The following DDX17 variants were observed in gnomAD, a reference collection of about 807,000 sequenced individuals.
DDX17 encodes probable ATP-dependent RNA helicase DDX17.
Under a neutral mutation model 80.8 loss-of-function variants are expected in DDX17, and 10 were observed. The ratio of observed to expected loss-of-function variants is 0.12; its 90% CI spans 0.08 to 0.21. The LOEUF is 0.21. DDX17 is among the 10% of genes least tolerant of loss of function. The probability of loss-of-function intolerance (pLI) is 1.00; values close to 1 mark genes in which losing one functional copy is unlikely to be tolerated. For synonymous variants in DDX17, 339 were observed against 336.2 expected (o/e 1.01, Z -0.09); for missense variants, 586 against 957.4 (o/e 0.61, Z 5.12).
At chr22:38,492,497 T>C (rs2089723242) in intron 10 of DDX17, among the ~76,000 whole-genome samples, 1 of 152,150 alleles carries the variant, frequency 6.6e-6, no homozygotes, top group African/African-American at 2.4e-5. Context: ...TTTTCTTTCT[T>C]TTTTTTGAGA....
chr22:38,488,225 A>C (rs1555924859), intron 11 of DDX17, 110 bp from the exon 12 acceptor site: 3 of 1,594,442 alleles, frequency 1.9e-6, no homozygotes, highest in Non-Finnish European at 2.6e-6. Flanking sequence ...CAGCAAGAGG[A>C]AAGAAGGTGA....
rs1402166370 is a variant in DDX17 at position 38,491,254 on chromosome 22, A to G, written c.1447+802T>C. ...TCTTTATATTATATAGTATAAGGGA[A>G]TAATATGGTACTTCTCACCTTACTG... is the stretch of plus-strand genomic sequence containing the variant. On this transcript the variant is annotated intron_variant, in intron 11 of 12. Transcript: ENST00000403230. 2.0e-5 allele frequency: 3 copies of G among 152,364 alleles called. No individual in the cohort carries two copies. In the East Asian group the frequency reaches 5.8e-4, roughly 29 times the overall value. 9.4% of individuals were successfully genotyped at this position (152,364 alleles called of 1,614,324 possible).
rs2089651338 is a variant in DDX17 at position 38,485,834 on chromosome 22, A to G, written c.*101T>C. 6 of 1,415,220 alleles carry G rather than the reference A, an allele frequency of 4.2e-6. No individual in the cohort carries two copies. Among genetic ancestry groups the G allele is most frequent in the Non-Finnish European group, 5.5e-6 (6 of 1,086,130 alleles). 87.7% of individuals were successfully genotyped at this position (1,415,220 alleles called of 1,614,324 possible). On this transcript the variant is annotated 3_prime_UTR_variant, in exon 13 of 13. Coordinates refer to ENST00000403230, the MANE Select transcript of DDX17 (RefSeq NM_006386.5). ...GGAAAAATTAAAAAAAAAAAAAGAA[A>G]AAAGGAAAAAAAAAGAAAAGGCGAA...
rs1263969677 is a variant in DDX17, at chr22:38,506,074, G to C, written c.164C>G (p.Thr55Ser). ...CGGGAGGGCCTGCGGCTCCGGTCTGGTGACGACCGATGGCGGCGGCGCCTC... is the reference window on the plus strand; with the variant it reads ...CGGGAGGGCCTGCGGCTCCGGTCTGCTGACGACCGATGGCGGCGGCGCCTC... The change falls in exon 1 of 13, where the codon ACC becomes AGC. Residue 55 changes from threonine to serine, a missense_variant. By Grantham distance (58) the Thr-to-Ser change is moderately conservative. Around this residue, in one of 4 missense-constraint regions of DDX17, gnomAD observed 215 missense variants for 238.4 expected, o/e 0.90. Transcript: ENST00000403230. 1 of 1,582,678 alleles carries C rather than the reference G, an allele frequency of 6.3e-7. No individual in the cohort carries two copies. Among genetic ancestry groups the C allele is most frequent in the Non-Finnish European group, 8.6e-7 (1 of 1,165,036 alleles).
intron 8 of DDX17, chr22:38,494,391 T>C (rs1282290873): frequency 8.3e-6 from 5 of 603,026 alleles, no homozygotes; most frequent in African/African-American, 5.6e-5. Context: ...AGACACAAAA[T>C]TGTGCAAAAT....
intron 11 of DDX17, 190 bp from the exon 12 acceptor site, chr22:38,488,305 C>G: frequency 6.7e-7 from 1 of 1,482,706 alleles, no homozygotes; most frequent in Non-Finnish European, 8.9e-7. Flanking sequence ...ATTACTGATT[C>G]CTGGGACATG....
rs534776956 is a variant in DDX17 at position 38,483,976 on chromosome 22, A to G, written c.*1959T>C. On this transcript the variant is annotated 3_prime_UTR_variant, in exon 13 of 13. Coordinates refer to ENST00000403230, the MANE Select transcript of DDX17 (RefSeq NM_006386.5). ...AAAAAGGGAAGCAAGCAATCCAAAT[A>G]ACCACTTGCTTGCCCAGAGACCTTT... 9 of 152,656 alleles carry G rather than the reference A, an allele frequency of 5.9e-5. No individual in the cohort carries two copies. The highest frequency in any genetic ancestry group is 5.2e-4 in the Admixed American group (8 of 15,306). The allele number at this position is 152,656 out of a possible 1,614,324, so 9.5% of individuals were successfully genotyped here. A position where few individuals can be genotyped will look rare whatever the true frequency, so the allele number is the denominator to read the frequency against.
intron 6 of DDX17, among the ~76,000 whole-genome samples, 162 bp downstream of exon 6, chr22:38,495,634 G>GA (rs1025067004): frequency 2.0e-5 from 3 of 152,172 alleles, no homozygotes; most frequent in Non-Finnish European, 2.9e-5. Flanking sequence ...CAGCCATGCT[G>GA]AACCTTCTCT....
chr22:38,490,268 G>A, intron 11 of DDX17: 1 of 1,254,910 alleles, frequency 8.0e-7, no homozygotes, highest in African/African-American at 1.6e-5. Context: ...TTGGCCAGCT[G>A]ACTGGGATAA....
intron 6 of DDX17, 44 bp from the exon 7 acceptor site, chr22:38,495,090 T>G: frequency 6.3e-7 from 1 of 1,582,860 alleles, no homozygotes; most frequent in Non-Finnish European, 8.6e-7. Flanking sequence ...CTAGGTGCAG[T>G]GGCTCACAGC....
intron 12 of DDX17, 145 bp from the exon 13 acceptor site, chr22:38,486,585 A>G: frequency 8.0e-7 from 1 of 1,245,456 alleles, no homozygotes; most frequent in South Asian, 1.7e-5. Context: ...GTACTGTAAA[A>G]ATATACTCAT....
At chr22:38,501,327 GTA>G (rs1569143081) in intron 1 of DDX17, 47 bp from the exon 2 acceptor site, 2 of 1,580,612 alleles carry the variant, frequency 1.3e-6, no homozygotes, top group African/African-American at 2.7e-5. Context: ...TTAAAGCAAC[GTA>G]TCGTACATGC....
chr22:38,485,861 A>T lies in DDX17; in HGVS notation c.*74T>A. ...AAGGAAAAAAAAAGAAAAGGCGAAG[A>T]GGAAAAAAAAAGGAAAGACAGTGTT... is the stretch of plus-strand genomic sequence containing the variant. On this transcript the variant is annotated 3_prime_UTR_variant, in exon 13 of 13. Coordinates refer to ENST00000403230, the MANE Select transcript of DDX17 (RefSeq NM_006386.5). 1 of 1,480,752 alleles carries T rather than the reference A, an allele frequency of 6.8e-7. No homozygotes were observed. The highest frequency in any genetic ancestry group is 8.9e-7 in the Non-Finnish European group (1 of 1,117,816). 91.7% of individuals were successfully genotyped at this position (1,480,752 alleles called of 1,614,324 possible).
At position 38,498,523 on chromosome 22, in the gene DDX17, T is replaced by C; in HGVS notation, c.589A>G (p.Ile197Val). The C allele has an allele frequency of 6.2e-7, 1 of 1,614,216 alleles. No individual in the cohort carries two copies. Among genetic ancestry groups the C allele is most frequent in the Non-Finnish European group, 8.5e-7 (1 of 1,180,038 alleles). Reference sequence around the variant, plus strand: ...GCCAACGGAAATCCCTGGCACTGAATTGGAGTTGGTTCTGTAAAGTGCTGA... The same window carrying C: ...GCCAACGGAAATCCCTGGCACTGAACTGGAGTTGGTTCTGTAAAGTGCTGA... The change falls in exon 4 of 13, where the codon ATT (isoleucine) becomes GTT (valine). Residue 197 changes from isoleucine to valine, a missense_variant. Transcript: ENST00000403230.
At position 38,486,023 on chromosome 22, in the gene DDX17, G is replaced by A. The variant is rs765865724; in HGVS notation, c.2102C>T (p.Pro701Leu). ...GTAACCTATCATATTGGTAGCTCCC[G>A]GAGGCTGTGCAAACTGTTGTGACAT... The change falls in exon 13 of 13, where the codon CCG becomes CTG. Residue 701 changes from proline (P) to leucine (L), a missense_variant. Coordinates refer to ENST00000403230, the MANE Select transcript of DDX17 (RefSeq NM_006386.5). 2.0e-5 allele frequency: 33 copies of A among 1,613,854 alleles called. No individual in the cohort carries two copies. The highest frequency in any genetic ancestry group is 2.5e-5 in the Non-Finnish European group (30 of 1,180,008).
Position 38,486,417 on chromosome 22 carries a change from T to C in DDX17, c.1708A>G (p.Thr570Ala), listed in dbSNP as rs1167817304. 1.2e-6 allele frequency: 2 copies of C among 1,611,428 alleles called. No individual in the cohort carries two copies. Among genetic ancestry groups the C allele is most frequent in the African/African-American group, 2.7e-5 (2 of 74,840 alleles). The change falls in exon 13 of 13, where the codon ACT becomes GCT. Residue 570 changes from threonine (T) to alanine (A), a missense_variant. By Grantham distance (58) the Thr-to-Ala change is moderately conservative (BLOSUM62 0). Coordinates refer to ENST00000403230, the MANE Select transcript of DDX17 (RefSeq NM_006386.5). The stretch of plus-strand genomic sequence containing the variant: ...AGATTGGGATTGTTGGCTGAAGAAG[T>C]GGTCCGGTAACGAGAACGACCACCT...
At chr22:38,498,376 A>G (rs893756094) in intron 4 of DDX17, 64 bp downstream of exon 4, 170 of 1,601,120 alleles carry the variant, frequency 1.1e-4, no homozygotes, top group Non-Finnish European at 1.4e-4. Flanking sequence ...CTGAGAACGT[A>G]TGACAACTAG....
Position 38,499,455 on chromosome 22 carries a change from C to T in DDX17, c.483G>A (p.Arg161=), listed in dbSNP as rs146518587. Residue 161 remains arginine, a synonymous_variant, in exon 3 of 13, where the codon AGG becomes AGA. Coordinates refer to ENST00000403230, the MANE Select transcript of DDX17 (RefSeq NM_006386.5). ...CGGGTTTAGGACAAACATCTCCCCC[C>T]CTCACTGTAATCTCCTTCTTTCGGC... is the stretch of plus-strand genomic sequence containing the variant. 4.3e-4 allele frequency: 698 copies of T among 1,614,140 alleles called. 1 individual carries two copies. Among genetic ancestry groups the T allele is most frequent in the Non-Finnish European group, 5.5e-4 (651 of 1,180,004 alleles).
chr22:38,491,929 T>A (rs2089717958), intron 11 of DDX17, 127 bp downstream of exon 11: 1 of 607,974 alleles, frequency 1.6e-6, no homozygotes, highest in Non-Finnish European at 2.6e-6. Flanking sequence ...TTGTATTTTT[T>A]TCTTTCAAAT....
Sources: allele counts gnomAD v4.1 joint callset (sites outside exome capture counted in the v4.1 genomes callset), GRCh38; gene constraint gnomAD v4.1.1; regional missense constraint gnomAD v4.1.1; transcripts MANE v1.5; gene names NCBI Gene and HGNC (gene_info 2026-07-23, HGNC 2026-07-21).